The following FMN1 variants were observed in gnomAD, a reference collection of about 807,000 sequenced individuals.
FMN1 encodes formin-1.
A neutral mutation model predicts 132.4 loss-of-function variants in FMN1; 110 were observed. The ratio of observed to expected loss-of-function variants is 0.83; its 90% CI spans 0.71 to 0.97. The LOEUF is 0.97. FMN1 is among the 50% of genes least tolerant of loss of function. The pLI is 0.00. For missense variants in FMN1, 1,792 were observed against 1,705.3 expected, an observed-to-expected ratio of 1.05 and a Z score of -0.90; for synonymous variants, 722 against 651.7, an observed-to-expected ratio of 1.11 and a Z score of -1.64.
chr15:32,865,056 A>G (rs2059360733), intron 16 of FMN1, among the ~76,000 whole-genome samples: 1 of 152,206 alleles, frequency 6.6e-6, no homozygotes, highest in African/African-American at 2.4e-5. Flanking sequence ...CAGTAGGCAA[A>G]TCTATAGAGA....
At chr15:32,804,938 C>G (rs549172830) in intron 17 of FMN1, among the ~76,000 whole-genome samples, 1 of 152,120 alleles carries the variant, frequency 6.6e-6, no homozygotes, top group Non-Finnish European at 1.5e-5. Flanking sequence ...GGTTCCAAGT[C>G]TTTGCTATTG....
intron 12 of FMN1, among the ~76,000 whole-genome samples, chr15:32,904,024 C>T (rs1219018360): frequency 6.6e-6 from 1 of 152,140 alleles, no homozygotes; most frequent in Non-Finnish European, 1.5e-5. Context: ...GTCAGTCTGT[C>T]CTTTAGGAAT....
intron 4 of FMN1, among the ~76,000 whole-genome samples, chr15:33,130,534 C>G (rs895135912): frequency 5.3e-5 from 8 of 151,880 alleles, no homozygotes; most frequent in Admixed American, 3.9e-4. Flanking sequence ...TATGTGCAAA[C>G]ATTAAAATTA....
chr15:33,032,942 T>C (rs140700001), intron 6 of FMN1, among the ~76,000 whole-genome samples: 1 of 152,330 alleles, frequency 6.6e-6, no homozygotes, highest in East Asian at 1.9e-4. Context: ...AGTTATTAAG[T>C]ATTTGTTCAA....
At chr15:32,888,706 A>C (rs1197362349) in intron 15 of FMN1, among the ~76,000 whole-genome samples, 6 of 152,178 alleles carry the variant, frequency 3.9e-5, no homozygotes, top group Non-Finnish European at 2.9e-5. Flanking sequence ...AATGGGTGTG[A>C]ATCAGAAGGT....
At chr15:32,874,741 GTTTA>G (rs1442291166) in intron 16 of FMN1, among the ~76,000 whole-genome samples, 2 of 152,176 alleles carry the variant, frequency 1.3e-5, no homozygotes, top group Non-Finnish European at 2.9e-5. Flanking sequence ...CTTTCAGTGA[GTTTA>G]TTTAAAATTC....
In FMN1 at chr15:33,045,734, T is replaced by C. The variant is rs535482489; in HGVS notation, c.2161+19223A>G. Among the ~76,000 whole-genome samples the C allele has an allele frequency of 1.6e-3, 245 of 152,314 alleles. 2 individuals carry two copies. Among genetic ancestry groups the C allele is most frequent in the Non-Finnish European group, 1.5e-3 (99 of 68,032 alleles). On this transcript the variant is annotated intron_variant, in intron 6 of 20. Transcript: ENST00000616417. ...AGAAACTGGTAGTAAATGGTAATACTGCAGGGGTTGAAAAGTTTGGCTTTT... is the reference window on the plus strand; with the variant it reads ...AGAAACTGGTAGTAAATGGTAATACCGCAGGGGTTGAAAAGTTTGGCTTTT...
At chr15:32,805,262 T>C (rs1212073396) in intron 17 of FMN1, among the ~76,000 whole-genome samples, 1 of 152,256 alleles carries the variant, frequency 6.6e-6, no homozygotes, top group Non-Finnish European at 1.5e-5. Flanking sequence ...TGACCAGTGA[T>C]GATGAGCATT....
intron 17 of FMN1, among the ~76,000 whole-genome samples, chr15:32,841,901 G>A (rs1041815160): frequency 2.0e-5 from 3 of 152,138 alleles, no homozygotes; most frequent in Non-Finnish European, 2.9e-5. Flanking sequence ...GATGGACTAA[G>A]TCAAGTAAAA....
At chr15:32,865,617 A>C (rs189243945) in intron 16 of FMN1, among the ~76,000 whole-genome samples, 1 of 152,330 alleles carries the variant, frequency 6.6e-6, no homozygotes, top group Admixed American at 6.5e-5. Context: ...CGGGCAGATC[A>C]CCTGAGGTTG....
At chr15:33,130,031 C>T (rs988955336) in intron 4 of FMN1, among the ~76,000 whole-genome samples, 28 of 152,190 alleles carry the variant, frequency 1.8e-4, no homozygotes, top group African/African-American at 6.7e-4. Flanking sequence ...CGTGATCCAC[C>T]TGCCTTGGTG....
chr15:32,968,842 G>T lies in FMN1; in HGVS notation c.2859C>A (p.Pro953=). 1.2e-6 allele frequency: 2 copies of T among 1,604,618 alleles called. No homozygotes were observed. Among genetic ancestry groups the T allele is most frequent in the South Asian group, 1.1e-5 (1 of 90,238 alleles). The change falls in exon 8 of 21, where the codon CCC becomes CCA. Residue 953 remains proline (P), a synonymous_variant. Transcript: ENST00000616417. ...CAAAGAAGAGTCCAGGGGGAGGTGG[G>T]GGTGCAAGTCCTGGGGGTGGTGGAG... The part of the protein sequence containing the change: ...PPAPPPPGLA[P]PPPPGLFFGL...
In FMN1 at chr15:32,874,090, C is replaced by T. The variant is rs569915165; in HGVS notation, c.3835+14082G>A. Among the ~76,000 whole-genome samples the T allele has an allele frequency of 4.1e-5, 6 of 145,558 alleles. No individual in the cohort carries two copies. The South Asian group carries it at 8.7e-4, about 21-fold the overall frequency. ...AGGCTGCAGTGCAATGGCGCGATCTCGGCTCACTGTGACCTCTGCCTCCTG... is the reference window on the plus strand; with the variant it reads ...AGGCTGCAGTGCAATGGCGCGATCTTGGCTCACTGTGACCTCTGCCTCCTG... On this transcript the variant is annotated intron_variant, in intron 16 of 20. Coordinates refer to ENST00000616417, the MANE Select transcript of FMN1 (RefSeq NM_001277313.2).
Position 32,921,284 on chromosome 15 carries a change from A to G in FMN1, c.3226+4890T>C, listed in dbSNP as rs952384987. On this transcript the variant is annotated intron_variant, in intron 10 of 20. Coordinates refer to ENST00000616417, the MANE Select transcript of FMN1 (RefSeq NM_001277313.2). ...ACAGAGGGAGCGTGCAGAACTGTTC[A>G]TTCAAAATGTGTTGTGCATGCAATG... Among the ~76,000 whole-genome samples, 3 of 152,316 alleles carry G rather than the reference A, an allele frequency of 2.0e-5. No homozygotes were observed. The East Asian group carries it at 5.8e-4, about 29-fold the overall frequency.
chr15:32,924,690 C>A (rs1204666109), intron 10 of FMN1, among the ~76,000 whole-genome samples: 1 of 152,276 alleles, frequency 6.6e-6, no homozygotes, highest in South Asian at 2.1e-4. Flanking sequence ...GAGGCCAAGG[C>A]GGGTGGATGA....
In FMN1 at chr15:33,154,561, C is replaced by G; in HGVS notation, c.354G>C (p.Lys118Asn). The G allele has an allele frequency of 6.5e-7, 1 of 1,536,132 alleles. No homozygotes were observed. ...LGITMGNQEGKLQELSVSLAP... is the reference protein window; with the variant it reads ...LGITMGNQEGNLQELSVSLAP... Reference sequence around the variant, plus strand: ...CCAGGCTCACGGACAGCTCTTGCAGCTTCCCCTCCTGGTTCCCCATCGTGA... The same window carrying G: ...CCAGGCTCACGGACAGCTCTTGCAGGTTCCCCTCCTGGTTCCCCATCGTGA... Residue 118 changes from lysine to asparagine, a missense_variant, in exon 4 of 21, where the codon AAG (lysine) becomes AAC (asparagine). By Grantham distance (94) the Lys-to-Asn change is moderately conservative (BLOSUM62 0). Transcript: ENST00000616417.
intron 6 of FMN1, among the ~76,000 whole-genome samples, chr15:33,020,599 T>C (rs1255567831): frequency 6.7e-6 from 1 of 149,692 alleles, no homozygotes; most frequent in Non-Finnish European, 1.5e-5. Context: ...GGTCACGCCA[T>C]TGCACTCCAG....
chr15:33,034,492 G>C (rs2036098106), intron 6 of FMN1, among the ~76,000 whole-genome samples: 1 of 152,174 alleles, frequency 6.6e-6, no homozygotes, highest in South Asian at 2.1e-4. Flanking sequence ...CAGAAGGACT[G>C]CTTGAGCCCA....
At chr15:33,044,677 A>C (rs1471456429) in intron 6 of FMN1, among the ~76,000 whole-genome samples, 1 of 151,892 alleles carries the variant, frequency 6.6e-6, no homozygotes, top group African/African-American at 2.4e-5. Context: ...CCCCAGGGTC[A>C]CCTCTCTACT....
Sources: gnomAD v4.1 joint callset for allele counts (sites outside exome capture counted in the v4.1 genomes callset) on GRCh38, gnomAD v4.1.1 for gene constraint, MANE v1.5 for transcripts, NCBI Gene and HGNC (gene_info 2026-07-23, HGNC 2026-07-21) for gene names.